The following GFPT1 variants were observed in gnomAD, a reference collection of about 807,000 sequenced individuals.
The protein encoded by GFPT1 is glutamine--fructose-6-phosphate aminotransferase [isomerizing] 1.
A neutral mutation model predicts 92.0 loss-of-function variants in GFPT1; 40 were observed. That is an observed-to-expected ratio of 0.43 (90% CI 0.34 to 0.57). The LOEUF (loss-of-function observed/expected upper bound fraction) is 0.57, where lower values mean the gene tolerates loss of function less well. Ranked by LOEUF, GFPT1 falls within the 20% of genes least tolerant of loss-of-function variation. GFPT1 has a pLI of 0.02. For synonymous variants in GFPT1, 269 were observed against 280.6 expected (o/e 0.96, Z 0.41); for missense variants, 448 against 869.1 (o/e 0.52, Z 6.09).
intron 10 of GFPT1, among the ~76,000 whole-genome samples, chr2:69,349,297 AG>A (rs1671154258): frequency 1.3e-5 from 2 of 152,226 alleles, no homozygotes; most frequent in African/African-American, 4.8e-5. Context: ...GAATGAGAAA[AG>A]GCTGATATGT....
At chr2:69,358,636 G>A (rs556221110) in intron 5 of GFPT1, among the ~76,000 whole-genome samples, 173 bp from the exon 6 acceptor site, 1 of 152,252 alleles carries the variant, frequency 6.6e-6, no homozygotes, top group African/African-American at 2.4e-5. Context: ...AACAGTGTGG[G>A]ACTCTGTTTA....
chr2:69,371,078 T>A (rs1671735112), intron 2 of GFPT1, among the ~76,000 whole-genome samples: 1 of 143,888 alleles, frequency 6.9e-6, no homozygotes, highest in Non-Finnish European at 1.5e-5. Context: ...TTTCTTTTCT[T>A]TTTTTTTTTT....
At chr2:69,345,109 C>A (rs1049259846) in intron 12 of GFPT1, among the ~76,000 whole-genome samples, 1 of 152,112 alleles carries the variant, frequency 6.6e-6, no homozygotes, top group African/African-American at 2.4e-5. Context: ...GAGGCAGATA[C>A]AATTCCTCTG....
intron 13 of GFPT1, among the ~76,000 whole-genome samples, chr2:69,339,437 G>A (rs978993027): frequency 1.3e-5 from 2 of 152,174 alleles, no homozygotes; most frequent in African/African-American, 4.8e-5. Context: ...TGTGCAAAAC[G>A]TAGTTTAACC....
At chr2:69,334,237 T>C (rs1670741282) in intron 15 of GFPT1, among the ~76,000 whole-genome samples, 1 of 152,184 alleles carries the variant, frequency 6.6e-6, no homozygotes, top group Admixed American at 6.5e-5. Flanking sequence ...CCACCTGGAA[T>C]GGTCTGTGAC....
At chr2:69,376,087 C>T (rs1008383283) in intron 1 of GFPT1, among the ~76,000 whole-genome samples, 27 of 152,234 alleles carry the variant, frequency 1.8e-4, no homozygotes, top group African/African-American at 6.3e-4. Context: ...TCAAACTTTG[C>T]ACTCTTCACC....
At chr2:69,357,724 G>A (rs1671375133) in intron 6 of GFPT1, among the ~76,000 whole-genome samples, 1 of 152,182 alleles carries the variant, frequency 6.6e-6, no homozygotes, top group South Asian at 2.1e-4. Context: ...TATGGATTTG[G>A]ACATTTGTAG....
intron 1 of GFPT1, among the ~76,000 whole-genome samples, chr2:69,385,556 G>A (rs1672111705): frequency 6.6e-6 from 1 of 150,578 alleles, no homozygotes; most frequent in South Asian, 2.1e-4. Flanking sequence ...TTTTTTTTCA[G>A]TAAGTACTTT....
At chr2:69,366,508 TAAG>T (rs1312320718) in intron 3 of GFPT1, among the ~76,000 whole-genome samples, 4 of 152,156 alleles carry the variant, frequency 2.6e-5, no homozygotes, top group Non-Finnish European at 5.9e-5. Context: ...TTCTGTAAAT[TAAG>T]ACCCTTTCAA....
At chr2:69,328,812 C>T (rs751431191) in intron 17 of GFPT1, among the ~76,000 whole-genome samples, 4 of 150,868 alleles carry the variant, frequency 2.7e-5, no homozygotes, top group Non-Finnish European at 4.4e-5. Flanking sequence ...GTGATCTTCC[C>T]GCCTTAGCCT....
At chr2:69,342,356 T>G in intron 12 of GFPT1, 107 bp from the exon 13 acceptor site, 1 of 753,346 alleles carries the variant, frequency 1.3e-6, no homozygotes, top group Non-Finnish European at 2.4e-6. Context: ...TACTGCTGTT[T>G]TAAAGAATTA....
At chr2:69,358,801 C>CCAGATA (rs1343054919) in intron 5 of GFPT1, among the ~76,000 whole-genome samples, 1 of 152,160 alleles carries the variant, frequency 6.6e-6, no homozygotes, top group Admixed American at 6.6e-5. Context: ...ACTGAATAGC[C>CCAGATA]CAGATACACT....
At position 69,329,768 on chromosome 2, in the gene GFPT1, T is replaced by G; in HGVS notation, c.1513A>C (p.Met505Leu). The G allele has an allele frequency of 6.2e-7, 1 of 1,610,180 alleles. No individual in the cohort carries two copies. Among genetic ancestry groups the G allele is most frequent in the Non-Finnish European group, 8.5e-7 (1 of 1,176,448 alleles). The change falls in exon 16 of 20, where the codon ATG becomes CTG. Residue 505 changes from methionine to leucine, a missense_variant. Physicochemically the swap from Met to Leu is conservative, Grantham distance 15 (BLOSUM62 2). Coordinates refer to ENST00000357308, the MANE Select transcript of GFPT1 (RefSeq NM_001244710.2). ...TCATCACACATCATAAGGGCAAACATCACAAGGGATACAAACTGGCTGGTA... is the reference window on the plus strand; with the variant it reads ...TCATCACACATCATAAGGGCAAACAGCACAAGGGATACAAACTGGCTGGTA... ...AYTSQFVSLVMFALMMCDDRI... is the reference protein window; with the variant it reads ...AYTSQFVSLVLFALMMCDDRI...
rs1035575942 is a variant in GFPT1 at position 69,324,214 on chromosome 2, T to G, written c.*1975A>C. The G allele has an allele frequency of 3.3e-5, 5 of 152,190 alleles. No homozygotes were observed. The highest frequency in any genetic ancestry group is 9.7e-5 in the African/African-American group (4 of 41,430). The allele number at this position is 152,190 out of a possible 1,614,324, so 9.4% of individuals were successfully genotyped here. A position where few individuals can be genotyped will look rare whatever the true frequency, so the allele number is the denominator to read the frequency against. On this transcript the variant is annotated 3_prime_UTR_variant, in exon 20 of 20. Coordinates refer to ENST00000357308, the MANE Select transcript of GFPT1 (RefSeq NM_001244710.2). ...CTTTCAGTATATTTGTGTGTGTGTG[T>G]GTACACATGTGCTTTATAGAAAGAC...
At chr2:69,368,286 G>C (rs1042023185) in intron 3 of GFPT1, among the ~76,000 whole-genome samples, 2 of 152,134 alleles carry the variant, frequency 1.3e-5, no homozygotes, top group African/African-American at 4.8e-5. Flanking sequence ...AGGAGGCTGA[G>C]GCAGGAGAAT....
intron 11 of GFPT1, among the ~76,000 whole-genome samples, chr2:69,346,389 C>G (rs2104632089): frequency 6.6e-6 from 1 of 152,280 alleles, no homozygotes; most frequent in Admixed American, 6.5e-5. Context: ...CAGGCGTGTG[C>G]TACCACGCCC....
At chr2:69,331,122 G>A (rs1249137931) in intron 15 of GFPT1, among the ~76,000 whole-genome samples, 3 of 152,136 alleles carry the variant, frequency 2.0e-5, no homozygotes, top group African/African-American at 7.2e-5. Flanking sequence ...TGTGAGATGT[G>A]CCTGTTTTGT....
intron 4 of GFPT1, among the ~76,000 whole-genome samples, chr2:69,360,205 T>C (rs1413313928): frequency 2.0e-5 from 3 of 151,970 alleles, no homozygotes; most frequent in Admixed American, 6.6e-5. Flanking sequence ...GGCACGTGCC[T>C]GTAAACCCAG....
chr2:69,331,908 A>G (rs1670672277), intron 15 of GFPT1, among the ~76,000 whole-genome samples: 1 of 152,176 alleles, frequency 6.6e-6, no homozygotes, highest in Non-Finnish European at 1.5e-5. Flanking sequence ...TATGTCTCAA[A>G]TATTTTTTCT....
Sources: allele counts gnomAD v4.1 joint callset (sites outside exome capture counted in the v4.1 genomes callset), GRCh38; gene constraint gnomAD v4.1.1; transcripts MANE v1.5; gene names NCBI Gene and HGNC (gene_info 2026-07-23, HGNC 2026-07-21).